TCF12: variants seen among roughly 807,000 people sequenced by gnomAD.
The protein encoded by TCF12 is DNA-binding protein HTF4.
TCF12 carries 45 observed loss-of-function variants against 86.0 expected under a neutral mutation model. The ratio of observed to expected loss-of-function variants is 0.52; its 90% CI spans 0.41 to 0.67. TCF12 has a LOEUF of 0.67. Ranked by LOEUF, TCF12 falls within the 30% of genes least tolerant of loss-of-function variation. The probability of loss-of-function intolerance (pLI) is 0.00; values close to 1 mark genes in which losing one functional copy is unlikely to be tolerated. For synonymous variants in TCF12, 330 were observed against 299.6 expected, an observed-to-expected ratio of 1.10 and a Z score of -1.05; for missense variants, 881 against 859.9, an observed-to-expected ratio of 1.02 and a Z score of -0.31.
At chr15:56,992,551 A>T (rs1206638835) in intron 3 of TCF12, among the ~76,000 whole-genome samples, 5 of 152,214 alleles carry the variant, frequency 3.3e-5, no homozygotes, top group Admixed American at 6.5e-5. Context: ...CTGTAAATGG[A>T]TCACAGACAC....
intron 3 of TCF12, among the ~76,000 whole-genome samples, chr15:56,953,215 A>G (rs2061359671): frequency 1.3e-5 from 2 of 151,980 alleles, no homozygotes; most frequent in Admixed American, 6.5e-5. Flanking sequence ...GCTATGAGGC[A>G]TTATTCTTTA....
intron 8 of TCF12, among the ~76,000 whole-genome samples, chr15:57,226,357 G>A (rs1397486504): frequency 6.6e-6 from 1 of 151,894 alleles, no homozygotes; most frequent in Non-Finnish European, 1.5e-5. Flanking sequence ...TATGATGGCA[G>A]GGCAAGTTAG....
At chr15:56,988,261 C>CCCCCTAGGT (rs2063287525) in intron 3 of TCF12, among the ~76,000 whole-genome samples, 1 of 152,122 alleles carries the variant, frequency 6.6e-6, no homozygotes, top group Admixed American at 6.6e-5. Context: ...ATAGATTGTA[C>CCCCCTAGGT]TTACATAAAC....
intron 3 of TCF12, among the ~76,000 whole-genome samples, chr15:57,061,978 A>G (rs1378603818): frequency 2.0e-5 from 3 of 151,538 alleles, no homozygotes; most frequent in African/African-American, 7.3e-5. Context: ...TTTTTTTGAG[A>G]TGGAGTCTTG....
At chr15:57,106,813 C>T (rs2050162878) in intron 5 of TCF12, among the ~76,000 whole-genome samples, 1 of 152,156 alleles carries the variant, frequency 6.6e-6, no homozygotes. Context: ...TGAAGAAATG[C>T]TCAAAATTGT....
At chr15:56,923,968 C>G (rs1341323291) in intron 3 of TCF12, among the ~76,000 whole-genome samples, 2 of 151,262 alleles carry the variant, frequency 1.3e-5, no homozygotes, top group African/African-American at 4.9e-5. Flanking sequence ...TTTTCTGGCT[C>G]TTAATTTTTA....
At chr15:57,133,096 T>A (rs1251958487) in intron 5 of TCF12, among the ~76,000 whole-genome samples, 2 of 152,246 alleles carry the variant, frequency 1.3e-5, no homozygotes, top group African/African-American at 4.8e-5. Context: ...AACTACCATT[T>A]TTACTTTCAT....
intron 3 of TCF12, among the ~76,000 whole-genome samples, chr15:57,039,681 C>T (rs1287166769): frequency 1.3e-5 from 2 of 152,086 alleles, no homozygotes; most frequent in African/African-American, 2.4e-5. Flanking sequence ...TGTTTCCTGT[C>T]TCTCTGTGGG....
intron 5 of TCF12, among the ~76,000 whole-genome samples, chr15:57,101,745 G>GT: frequency 6.6e-6 from 1 of 152,216 alleles, no homozygotes; most frequent in Non-Finnish European, 1.5e-5. Context: ...TTACGTATTT[G>GT]TTTTTTAGTT....
chr15:57,022,352 A>G (rs1431732282), intron 3 of TCF12, among the ~76,000 whole-genome samples: 1 of 152,114 alleles, frequency 6.6e-6, no homozygotes, highest in African/African-American at 2.4e-5. Flanking sequence ...TTTGCTGACA[A>G]TGATGGTTTC....
intron 5 of TCF12, among the ~76,000 whole-genome samples, chr15:57,148,865 G>T (rs531330913): frequency 6.6e-6 from 1 of 152,228 alleles, no homozygotes; most frequent in African/African-American, 2.4e-5. Context: ...AACAGAATGA[G>T]ACCTCATCTC....
chr15:57,116,808 T>G (rs1442641633), intron 5 of TCF12, among the ~76,000 whole-genome samples: 4 of 152,214 alleles, frequency 2.6e-5, no homozygotes, highest in South Asian at 4.1e-4. Context: ...TATTTTTCTC[T>G]ATATAATTTA....
chr15:57,136,958 G>GTTTTTTTTGTTTT (rs2052568748), intron 5 of TCF12, among the ~76,000 whole-genome samples: 1 of 83,040 alleles, frequency 1.2e-5, no homozygotes, highest in African/African-American at 4.8e-5. Flanking sequence ...GCTTCTGGCA[G>GTTTTTTTTGTTTT]TTTTTTTTTT....
intron 3 of TCF12, among the ~76,000 whole-genome samples, chr15:56,990,862 A>G (rs1322160371): frequency 6.6e-6 from 1 of 151,156 alleles, no homozygotes; most frequent in African/African-American, 2.4e-5. Context: ...TGGCATAATC[A>G]TGGCTCACTG....
intron 3 of TCF12, among the ~76,000 whole-genome samples, chr15:56,964,643 T>G (rs2061923077): frequency 6.6e-6 from 1 of 152,244 alleles, no homozygotes; most frequent in Non-Finnish European, 1.5e-5. Context: ...ATTTATGTAT[T>G]AAATCATTTG....
At chr15:57,246,884 C>A in intron 13 of TCF12, 2 of 439,468 alleles carry the variant, frequency 4.6e-6, no homozygotes, top group Non-Finnish European at 8.9e-6. Context: ...ACAACTGTCT[C>A]AAAGTAACCT....
At chr15:57,050,098 G>C (rs2067508671) in intron 3 of TCF12, among the ~76,000 whole-genome samples, 1 of 152,170 alleles carries the variant, frequency 6.6e-6, no homozygotes. Context: ...ATCTTGAAAA[G>C]TATTATTCTG....
rs930382261 is a variant in TCF12 at position 57,288,463 on chromosome 15, T to C, written c.*2318T>C. The C allele has an allele frequency of 1.3e-5, 2 of 152,644 alleles. No homozygotes were observed. The highest frequency in any genetic ancestry group is 4.8e-5 in the African/African-American group (2 of 41,462). 9.5% of individuals were successfully genotyped at this position (152,644 alleles called of 1,614,324 possible). ...TGTCACTGTAACAGAAAACACAATA[T>C]GTATATAACATTTATGTAGCAATAA... On this transcript the variant is annotated 3_prime_UTR_variant, in exon 21 of 21. Transcript: ENST00000333725.
At chr15:56,951,011 C>T (rs572415277) in intron 3 of TCF12, among the ~76,000 whole-genome samples, 3 of 151,962 alleles carry the variant, frequency 2.0e-5, no homozygotes, top group Non-Finnish European at 4.4e-5. Context: ...CCACCTTGGC[C>T]TCCCAAAGTG....
Sources: gnomAD v4.1 joint callset for allele counts (sites outside exome capture counted in the v4.1 genomes callset) on GRCh38, gnomAD v4.1.1 for gene constraint, MANE v1.5 for transcripts, NCBI Gene and HGNC (gene_info 2026-07-23, HGNC 2026-07-21) for gene names.